MACROD2: variants seen among roughly 807,000 people sequenced by gnomAD.
The protein encoded by MACROD2 is ADP-ribose glycohydrolase MACROD2.
Under a neutral mutation model 70.4 loss-of-function variants are expected in MACROD2, and 36 were observed. The ratio of observed to expected loss-of-function variants is 0.51; its 90% CI spans 0.39 to 0.68. MACROD2 has a LOEUF of 0.68. Ranked by LOEUF, MACROD2 falls within the 30% of genes least tolerant of loss-of-function variation. MACROD2 has a pLI of 0.00. For missense variants in MACROD2, 496 were observed against 538.4 expected (o/e 0.92, Z 0.78); for synonymous variants, 172 against 178.8 (o/e 0.96, Z 0.30).
intron 4 of MACROD2, among the ~76,000 whole-genome samples, chr20:14,574,370 C>G (rs1980427566): frequency 6.6e-6 from 1 of 151,864 alleles, no homozygotes; most frequent in Non-Finnish European, 1.5e-5. Flanking sequence ...ATAGCATTTA[C>G]CCTGCCATTC....
chr20:15,396,203 C>T lies in MACROD2; in HGVS notation c.541-35202C>T, dbSNP rs2045858013. 3.3e-5 allele frequency among the ~76,000 whole-genome samples: 5 copies of T among 152,176 alleles called. 1 individual carries two copies. The South Asian group carries it at 8.3e-4, about 25-fold the overall frequency. The stretch of plus-strand genomic sequence containing the variant: ...TCTCACAGAAGTGAACATAAATTTC[C>T]TCCTGTGACTAATGAAGATAACTCA... On this transcript the variant is annotated intron_variant, in intron 6 of 17. Transcript: ENST00000684519.
intron 8 of MACROD2, among the ~76,000 whole-genome samples, chr20:15,582,973 T>C (rs2048546834): frequency 6.6e-6 from 1 of 152,052 alleles, no homozygotes; most frequent in South Asian, 2.1e-4. Context: ...CCCCTGCAAT[T>C]GCAAAAAATT....
intron 3 of MACROD2, among the ~76,000 whole-genome samples, chr20:14,421,217 G>A (rs763216574): frequency 6.6e-6 from 1 of 152,154 alleles, no homozygotes; most frequent in South Asian, 2.1e-4. Context: ...GGGCAATACT[G>A]GTCCCATAAA....
At chr20:15,945,722 C>T (rs2065813523) in intron 12 of MACROD2, among the ~76,000 whole-genome samples, 1 of 152,044 alleles carries the variant, frequency 6.6e-6, no homozygotes, top group Admixed American at 6.6e-5. Context: ...TGTTATTATC[C>T]CAATTTTGCA....
chr20:14,443,297 T>A (rs1159655175), intron 3 of MACROD2, among the ~76,000 whole-genome samples: 1 of 143,520 alleles, frequency 7.0e-6, no homozygotes, highest in Non-Finnish European at 1.6e-5. Context: ...GTATTACCTA[T>A]GCTTTTTTTT....
chr20:14,884,070 CA>C (rs1429569528), intron 5 of MACROD2, among the ~76,000 whole-genome samples: 1 of 152,134 alleles, frequency 6.6e-6, no homozygotes, highest in Non-Finnish European at 1.5e-5. Context: ...AGTGTAACCC[CA>C]TAGTAAAGCA....
At chr20:14,764,429 C>T (rs2072058446) in intron 5 of MACROD2, among the ~76,000 whole-genome samples, 1 of 152,056 alleles carries the variant, frequency 6.6e-6, no homozygotes, top group African/African-American at 2.4e-5. Flanking sequence ...TTTGTACCAT[C>T]TGAGGTGGAT....
intron 5 of MACROD2, among the ~76,000 whole-genome samples, chr20:14,967,046 A>G (rs572197259): frequency 1.3e-5 from 2 of 152,304 alleles, no homozygotes; most frequent in Admixed American, 6.5e-5. Context: ...TGATATTTCA[A>G]TGTGGTTTTA....
At chr20:15,162,219 G>GT (rs1362993985) in intron 5 of MACROD2, among the ~76,000 whole-genome samples, 4 of 152,114 alleles carry the variant, frequency 2.6e-5, no homozygotes, top group East Asian at 3.9e-4. Context: ...GTATTGTATT[G>GT]TTTTTTAAAA....
At chr20:15,798,015 C>A (rs1216284099) in intron 8 of MACROD2, among the ~76,000 whole-genome samples, 1 of 152,144 alleles carries the variant, frequency 6.6e-6, no homozygotes. Flanking sequence ...AATTTCAGTG[C>A]AAAAGCTGCC....
intron 5 of MACROD2, among the ~76,000 whole-genome samples, chr20:14,876,326 C>T (rs1186487847): frequency 2.0e-5 from 3 of 151,388 alleles, no homozygotes; most frequent in Admixed American, 2.0e-4. Flanking sequence ...TTGTTTTTTG[C>T]CTGTTCAGTT....
At chr20:15,736,969 A>T (rs1350834135) in intron 8 of MACROD2, among the ~76,000 whole-genome samples, 1 of 152,084 alleles carries the variant, frequency 6.6e-6, no homozygotes, top group Non-Finnish European at 1.5e-5. Context: ...CAGAGTGAAT[A>T]AAAAAAGTAA....
intron 10 of MACROD2, among the ~76,000 whole-genome samples, chr20:15,894,236 T>G (rs1368811106): frequency 1.3e-5 from 2 of 152,068 alleles, no homozygotes; most frequent in Non-Finnish European, 2.9e-5. Context: ...GACGCTGCTT[T>G]TTCACCTTCC....
At position 15,094,517 on chromosome 20, in the gene MACROD2, C is replaced by A. The variant is rs570469937; in HGVS notation, c.419-135423C>A. ...TCCAAATATTTAAAGTTAAGTATTA[C>A]CCATTTAAAAAACAAATTTGACTCT... On this transcript the variant is annotated intron_variant, in intron 5 of 17. Coordinates refer to ENST00000684519, the MANE Select transcript of MACROD2 (RefSeq NM_001351661.2). 4.6e-5 allele frequency among the ~76,000 whole-genome samples: 7 copies of A among 152,224 alleles called. No homozygotes were observed. The East Asian group carries it at 1.4e-3, about 29-fold the overall frequency.
At chr20:15,163,733 A>G (rs1378158578) in intron 5 of MACROD2, among the ~76,000 whole-genome samples, 1 of 151,804 alleles carries the variant, frequency 6.6e-6, no homozygotes, top group Admixed American at 6.6e-5. Context: ...AATTTTTTTC[A>G]AAAAGACAAT....
At chr20:14,225,065 A>G (rs2081719490) in intron 3 of MACROD2, among the ~76,000 whole-genome samples, 1 of 152,240 alleles carries the variant, frequency 6.6e-6, no homozygotes, top group Admixed American at 6.5e-5. Flanking sequence ...GTTGTAGGTC[A>G]GATGGGTGTT....
In MACROD2 at chr20:14,705,892, C is replaced by T. The variant is rs557756703; in HGVS notation, c.418+20933C>T. ...AGTCTAGATTTTCTTTCCTTCTCTTCCTCTCTCTCTTTTTCTTCTCTTCCT... is the reference window on the plus strand; with the variant it reads ...AGTCTAGATTTTCTTTCCTTCTCTTTCTCTCTCTCTTTTTCTTCTCTTCCT... On this transcript the variant is annotated intron_variant, in intron 5 of 17. Coordinates refer to ENST00000684519, the MANE Select transcript of MACROD2 (RefSeq NM_001351661.2). 1.4e-3 allele frequency among the ~76,000 whole-genome samples: 207 copies of T among 151,826 alleles called. 1 individual carries two copies. The highest frequency in any genetic ancestry group is 4.8e-3 in the African/African-American group (198 of 41,474).
intron 5 of MACROD2, among the ~76,000 whole-genome samples, chr20:15,143,897 T>C (rs1229692592): frequency 6.6e-6 from 1 of 150,472 alleles, no homozygotes; most frequent in East Asian, 1.9e-4. Flanking sequence ...GAAAGAACTC[T>C]CTTGAGCCAC....
chr20:15,746,136 C>T (rs1158549496), intron 8 of MACROD2, among the ~76,000 whole-genome samples: 1 of 151,926 alleles, frequency 6.6e-6, no homozygotes, highest in African/African-American at 2.4e-5. Context: ...AAATATTGGG[C>T]TTTATAATTC....
Sources: allele counts gnomAD v4.1 joint callset (sites outside exome capture counted in the v4.1 genomes callset), GRCh38; gene constraint gnomAD v4.1.1; transcripts MANE v1.5; gene names NCBI Gene and HGNC (gene_info 2026-07-23, HGNC 2026-07-21).